TFDP2: variants seen among roughly 807,000 people sequenced by gnomAD.
TFDP2 encodes the protein transcription factor Dp-2.
Under a neutral mutation model 59.3 loss-of-function variants are expected in TFDP2, and 17 were observed. That is an observed-to-expected ratio of 0.29 (90% confidence interval 0.20 to 0.43). The LOEUF (loss-of-function observed/expected upper bound fraction) is 0.43, where lower values mean the gene tolerates loss of function less well. Among genes scored for constraint, TFDP2 ranks in the 20% least tolerant of loss-of-function variants. The probability of loss-of-function intolerance (pLI) is 1.00; values close to 1 mark genes in which losing one functional copy is unlikely to be tolerated. For synonymous variants in TFDP2, 180 were observed against 194.7 expected (o/e 0.92, Z 0.63); for missense variants, 391 against 528.8 (o/e 0.74, Z 2.56).
intron 1 of TFDP2, among the ~76,000 whole-genome samples, chr3:142,120,317 G>A (rs1208022056): frequency 4.0e-5 from 6 of 151,884 alleles, no homozygotes; most frequent in African/African-American, 7.3e-5. Context: ...AGCCAAGATC[G>A]CGCCACTGCA....
chr3:141,994,914 T>C, intron 5 of TFDP2, 106 bp downstream of exon 5: 2 of 968,166 alleles, frequency 2.1e-6, no homozygotes, highest in Non-Finnish European at 2.9e-6. Flanking sequence ...GAAAAACATT[T>C]GTTTTTAAGA....
chr3:142,051,277 G>C (rs1221798536), intron 3 of TFDP2, among the ~76,000 whole-genome samples: 1 of 152,144 alleles, frequency 6.6e-6, no homozygotes, highest in Non-Finnish European at 1.5e-5. Flanking sequence ...CGGTGGCTCA[G>C]GCCTGTAATC....
In TFDP2 at chr3:142,149,319, A is replaced by T. The variant is rs2063302369; in HGVS notation, c.-229T>A. The T allele has an allele frequency of 7.6e-6, 3 of 393,784 alleles. No homozygotes were observed. The highest frequency in any genetic ancestry group is 1.3e-5 in the Non-Finnish European group (3 of 223,324). The allele number at this position is 393,784 out of a possible 1,614,324, so 24.4% of individuals were successfully genotyped here. On this transcript the variant is annotated 5_prime_UTR_variant, in exon 1 of 13. Coordinates refer to ENST00000489671, the MANE Select transcript of TFDP2 (RefSeq NM_001178139.2). Reference sequence around the variant, plus strand: ...TCCCGGTGGACTCACACCCGGGGAGACGCGGCCTGCCCGGTCAAGGCCCAG... The same window carrying T: ...TCCCGGTGGACTCACACCCGGGGAGTCGCGGCCTGCCCGGTCAAGGCCCAG...
At chr3:142,144,615 C>A (rs2063096560) in intron 1 of TFDP2, among the ~76,000 whole-genome samples, 1 of 152,070 alleles carries the variant, frequency 6.6e-6, no homozygotes, top group Non-Finnish European at 1.5e-5. Context: ...GATCACAGCT[C>A]AATGCAGCCT....
chr3:141,963,325 C>T (rs190826529), intron 10 of TFDP2, among the ~76,000 whole-genome samples: 1 of 152,286 alleles, frequency 6.6e-6, no homozygotes, highest in African/African-American at 2.4e-5. Flanking sequence ...ATGTGCCAGG[C>T]ATTTTCATGT....
At chr3:142,131,764 G>C (rs1440119212) in intron 1 of TFDP2, among the ~76,000 whole-genome samples, 1 of 150,064 alleles carries the variant, frequency 6.7e-6, no homozygotes, top group Admixed American at 6.6e-5. Flanking sequence ...CCAGCATTTT[G>C]AGAGGCCGAG....
intron 3 of TFDP2, among the ~76,000 whole-genome samples, chr3:142,045,176 G>A (rs556198427): frequency 1.3e-4 from 18 of 139,624 alleles, no homozygotes; most frequent in African/African-American, 2.9e-4. Context: ...TTTTTGAGAC[G>A]GAGTTTCACT....
At chr3:142,114,159 C>T (rs2061767490) in intron 1 of TFDP2, among the ~76,000 whole-genome samples, 1 of 149,022 alleles carries the variant, frequency 6.7e-6, no homozygotes, top group African/African-American at 2.5e-5. Context: ...AGCGAGAATC[C>T]GTCTCAAAAA....
intron 8 of TFDP2, 62 bp from the exon 9 acceptor site, chr3:141,970,203 TC>T: frequency 1.3e-6 from 2 of 1,486,964 alleles, no homozygotes; most frequent in Non-Finnish European, 9.4e-7. Context: ...TCGTTCACTT[TC>T]CAGGTCCCTA....
chr3:142,043,951 C>G (rs1947173759), intron 3 of TFDP2: 17 of 774,194 alleles, frequency 2.2e-5, no homozygotes, highest in Non-Finnish European at 3.5e-5. Flanking sequence ...ATTGGCTGTA[C>G]CCTTCCGCTT....
chr3:142,132,954 GATA>G (rs911320393), intron 1 of TFDP2, among the ~76,000 whole-genome samples: 5 of 149,510 alleles, frequency 3.3e-5, no homozygotes, highest in Non-Finnish European at 7.4e-5. Flanking sequence ...TCAATATAAT[GATA>G]ATAAAAATAC....
chr3:142,051,471 G>GGA (rs1253432946), intron 3 of TFDP2, among the ~76,000 whole-genome samples: 1 of 151,094 alleles, frequency 6.6e-6, no homozygotes, highest in Non-Finnish European at 1.5e-5. Context: ...CCTGGGAGGC[G>GGA]GAGGTTGCAC....
At chr3:141,979,157 T>C (rs530237027) in intron 6 of TFDP2, among the ~76,000 whole-genome samples, 14 of 152,320 alleles carry the variant, frequency 9.2e-5, no homozygotes, top group Middle Eastern at 3.4e-3. Flanking sequence ...GCTGAAAAAT[T>C]CTCATTGCCT....
chr3:141,969,741 TG>T (rs1939423429), intron 9 of TFDP2, among the ~76,000 whole-genome samples: 3 of 152,208 alleles, frequency 2.0e-5, no homozygotes, highest in Non-Finnish European at 4.4e-5. Context: ...GCTTCACTAG[TG>T]GATATTCCAA....
intron 1 of TFDP2, among the ~76,000 whole-genome samples, chr3:142,133,340 C>T (rs1258701685): frequency 6.7e-6 from 1 of 149,876 alleles, no homozygotes; most frequent in African/African-American, 2.5e-5. Context: ...CCTCAGCCTC[C>T]TGGGTAGCTG....
At chr3:142,098,778 G>C (rs946230936) in intron 2 of TFDP2, among the ~76,000 whole-genome samples, 3 of 152,098 alleles carry the variant, frequency 2.0e-5, no homozygotes, top group Admixed American at 1.3e-4. Flanking sequence ...TCTGAGACAA[G>C]TATTATGAGG....
intron 2 of TFDP2, chr3:142,093,942 A>C (rs763753146): frequency 1.9e-6 from 1 of 512,824 alleles, no homozygotes; most frequent in East Asian, 5.5e-5. Context: ...TGCTCAATCC[A>C]TGTCAGCATA....
chr3:142,071,668 G>GATTTTT (rs2060253668), intron 3 of TFDP2, among the ~76,000 whole-genome samples: 1 of 152,188 alleles, frequency 6.6e-6, no homozygotes, highest in Admixed American at 6.5e-5. Flanking sequence ...TGAAGGCAGA[G>GATTTTT]AAAATGGGTG....
intron 4 of TFDP2, among the ~76,000 whole-genome samples, chr3:142,000,643 G>C (rs1324341842): frequency 6.6e-6 from 1 of 152,110 alleles, no homozygotes; most frequent in Non-Finnish European, 1.5e-5. Flanking sequence ...TCAGATATGG[G>C]TAAGACTCAA....
Sources: allele counts gnomAD v4.1 joint callset (sites outside exome capture counted in the v4.1 genomes callset), GRCh38; gene constraint gnomAD v4.1.1; transcripts MANE v1.5; gene names NCBI Gene and HGNC (gene_info 2026-07-23, HGNC 2026-07-21).